Variants in TMEM65 observed in about 807,000 individuals in gnomAD.
The protein encoded by TMEM65 is transmembrane protein 65.
A neutral mutation model predicts 25.4 loss-of-function variants in TMEM65; 22 were observed. That is an observed-to-expected ratio of 0.86 (90% CI 0.62 to 1.23). The LOEUF (loss-of-function observed/expected upper bound fraction) is 1.23. Among genes scored for constraint, TMEM65 ranks in the 50% most tolerant of loss-of-function variants. The pLI, the probability that TMEM65 is intolerant of heterozygous loss-of-function variation, is 0.00. For missense variants in TMEM65, 262 were observed against 308.2 expected (o/e 0.85, Z 1.12); for synonymous variants, 132 against 126.2 (o/e 1.05, Z -0.31).
intron 1 of TMEM65, among the ~76,000 whole-genome samples, chr8:124,342,898 A>G (rs1318044850): frequency 6.6e-6 from 1 of 152,162 alleles, no homozygotes; most frequent in African/African-American, 2.4e-5. Flanking sequence ...ATTTCATTCA[A>G]TTACCACATT....
At chr8:124,349,859 T>C (rs573223103) in intron 1 of TMEM65, among the ~76,000 whole-genome samples, 1 of 152,296 alleles carries the variant, frequency 6.6e-6, no homozygotes, top group East Asian at 1.9e-4. Context: ...TGTGCCATTA[T>C]CTATAAGAAT....
intron 1 of TMEM65, among the ~76,000 whole-genome samples, chr8:124,333,054 G>A (rs962237254): frequency 4.6e-5 from 7 of 151,776 alleles, no homozygotes; most frequent in Middle Eastern, 3.4e-3. Context: ...CACCCACCTC[G>A]GCCTCCCAAA....
intron 6 of TMEM65, among the ~76,000 whole-genome samples, chr8:124,318,555 C>T (rs372871389): frequency 2.4e-4 from 37 of 151,330 alleles, no homozygotes; most frequent in Middle Eastern, 6.8e-3. Flanking sequence ...TTTGTATTTT[C>T]AATAGAGACA....
At chr8:124,318,955 T>C in intron 6 of TMEM65, among the ~76,000 whole-genome samples, 1 of 152,186 alleles carries the variant, frequency 6.6e-6, no homozygotes. Flanking sequence ...ATAACACATA[T>C]AAACTTCTAA....
chr8:124,348,277 G>T (rs1201825972), intron 1 of TMEM65, among the ~76,000 whole-genome samples: 1 of 53,380 alleles, frequency 1.9e-5, no homozygotes, highest in African/African-American at 8.1e-5. Flanking sequence ...GCATTTCATG[G>T]TAGTTTTTTT....
At chr8:124,353,472 CT>C (rs1814738748) in intron 1 of TMEM65, among the ~76,000 whole-genome samples, 1 of 151,782 alleles carries the variant, frequency 6.6e-6, no homozygotes, top group Admixed American at 6.6e-5. Context: ...AATAATATAG[CT>C]TTTATATATA....
chr8:124,344,132 G>C (rs1814615999), intron 1 of TMEM65, among the ~76,000 whole-genome samples: 1 of 152,106 alleles, frequency 6.6e-6, no homozygotes, highest in African/African-American at 2.4e-5. Flanking sequence ...TATCTGTGGA[G>C]GATTTTATGA....
At position 124,327,355 on chromosome 8, in the gene TMEM65, G is replaced by A; in HGVS notation, c.416C>T (p.Ala139Val). 1 of 1,597,268 alleles carries A rather than the reference G, an allele frequency of 6.3e-7. No homozygotes were observed. The highest frequency in any genetic ancestry group is 1.1e-5 in the South Asian group (1 of 88,192). The change falls in exon 3 of 7, where the codon GCT (alanine) becomes GTT (valine). Residue 139 changes from alanine (A) to valine (V), a missense_variant and splice_region_variant. By Grantham distance (64) the Ala-to-Val change is moderately conservative (BLOSUM62 0). Coordinates refer to ENST00000297632, the MANE Select transcript of TMEM65 (RefSeq NM_194291.3). ...GAAGCAGTGAGAGAAAGAACTTACA[G>A]CAACAATCATAATTGCATTATCCAA... ...GFLDNAIMIV[A>V]GTHIEMSIGI...
At chr8:124,346,101 C>T (rs573617829) in intron 1 of TMEM65, among the ~76,000 whole-genome samples, 1 of 152,332 alleles carries the variant, frequency 6.6e-6, no homozygotes, top group South Asian at 2.1e-4. Flanking sequence ...CTTCAGGAAA[C>T]TTAAAATCGT....
At chr8:124,360,030 T>C (rs192233225) in intron 1 of TMEM65, among the ~76,000 whole-genome samples, 1 of 152,278 alleles carries the variant, frequency 6.6e-6, no homozygotes, top group Non-Finnish European at 1.5e-5. Context: ...AAACAGTAGC[T>C]AAGTTAAAAA....
intron 1 of TMEM65, among the ~76,000 whole-genome samples, chr8:124,340,353 A>G (rs1814570000): frequency 6.6e-6 from 1 of 152,154 alleles, no homozygotes; most frequent in Non-Finnish European, 1.5e-5. Flanking sequence ...ATTAAAGTGT[A>G]TAAGAATGCT....
At position 124,310,583 on chromosome 8, in the gene TMEM65, T is replaced by C. The variant is rs1234923045; in HGVS notation, c.*3377A>G. Reference sequence around the variant, plus strand: ...TAATGATAATAGCCCCAACTTAATGTTGTCATTAAGGTGATTAAATGCAAT... The same window carrying C: ...TAATGATAATAGCCCCAACTTAATGCTGTCATTAAGGTGATTAAATGCAAT... On this transcript the variant is annotated 3_prime_UTR_variant, in exon 7 of 7. Coordinates refer to ENST00000297632, the MANE Select transcript of TMEM65 (RefSeq NM_194291.3). 6.6e-6 allele frequency: 1 copy of C among 152,168 alleles called. No homozygotes were observed. The highest frequency in any genetic ancestry group is 1.5e-5 in the Non-Finnish European group (1 of 68,016). The allele number at this position is 152,168 out of a possible 1,614,324, so 9.4% of individuals were successfully genotyped here.
chr8:124,318,788 C>G (rs74708085), intron 6 of TMEM65, among the ~76,000 whole-genome samples: 4,736 of 152,120 alleles, frequency 0.031, 259 homozygotes, highest in African/African-American at 0.11. Context: ...ATTTTGAGAA[C>G]CACTCTCCTA....
At chr8:124,343,840 T>C (rs1392882125) in intron 1 of TMEM65, among the ~76,000 whole-genome samples, 2 of 152,188 alleles carry the variant, frequency 1.3e-5, no homozygotes, top group African/African-American at 4.8e-5. Context: ...TCTTCTGCAA[T>C]TGAATGTTAG....
At chr8:124,325,274 G>C (rs147448482) in intron 3 of TMEM65, among the ~76,000 whole-genome samples, 3 of 151,952 alleles carry the variant, frequency 2.0e-5, no homozygotes, top group South Asian at 4.1e-4. Flanking sequence ...AATGAGAGGG[G>C]TTGATCAGTA....
chr8:124,371,351 C>A (rs185627916), intron 1 of TMEM65, among the ~76,000 whole-genome samples: 1 of 152,150 alleles, frequency 6.6e-6, no homozygotes, highest in Non-Finnish European at 1.5e-5. Context: ...GAAGCTACAC[C>A]CCTTCTTTTG....
chr8:124,358,799 C>T (rs2131225324), intron 1 of TMEM65, among the ~76,000 whole-genome samples: 2 of 152,290 alleles, frequency 1.3e-5, no homozygotes, highest in Middle Eastern at 6.8e-3. Flanking sequence ...TCCCAGCAAC[C>T]CCCAGAAACA....
intron 2 of TMEM65, among the ~76,000 whole-genome samples, chr8:124,328,948 T>C (rs551234093): frequency 6.6e-6 from 1 of 152,092 alleles, no homozygotes; most frequent in Admixed American, 6.6e-5. Flanking sequence ...ACAACCACTA[T>C]AAATGACTAA....
chr8:124,360,213 G>C (rs377175227), intron 1 of TMEM65, among the ~76,000 whole-genome samples: 1 of 151,888 alleles, frequency 6.6e-6, no homozygotes, highest in Non-Finnish European at 1.5e-5. Flanking sequence ...GGCAGATCAC[G>C]AGGTCAGGAG....
Sources: allele counts gnomAD v4.1 joint callset (sites outside exome capture counted in the v4.1 genomes callset), GRCh38; gene constraint gnomAD v4.1.1; transcripts MANE v1.5; gene names NCBI Gene and HGNC (gene_info 2026-07-23, HGNC 2026-07-21).